Variants in DLG2 observed in about 807,000 individuals in gnomAD.
The protein encoded by DLG2 is discs large MAGUK scaffold protein 2.
In DLG2, 45 loss-of-function variants were observed where a neutral mutation model predicts 132.5. That is an observed-to-expected ratio of 0.34 (90% CI 0.27 to 0.44). The LOEUF (loss-of-function observed/expected upper bound fraction) is 0.44, where lower values mean the gene tolerates loss of function less well. DLG2 is among the 20% of genes least tolerant of loss of function. The probability of loss-of-function intolerance (pLI) is 1.00; values close to 1 mark genes in which losing one functional copy is unlikely to be tolerated. For synonymous variants in DLG2, 424 were observed against 419.6 expected (o/e 1.01, Z -0.13); for missense variants, 1,045 against 1,196.9 (o/e 0.87, Z 1.87).
chr11:84,225,939 T>C (rs2096985795), intron 8 of DLG2, among the ~76,000 whole-genome samples: 1 of 152,122 alleles, frequency 6.6e-6, no homozygotes, highest in Non-Finnish European at 1.5e-5. Flanking sequence ...GCCTAACAAG[T>C]AGCTGGGATT....
At chr11:84,536,299 C>T (rs1264699836) in intron 6 of DLG2, among the ~76,000 whole-genome samples, 1 of 152,036 alleles carries the variant, frequency 6.6e-6, no homozygotes, top group Non-Finnish European at 1.5e-5. Context: ...GCATAAGCGC[C>T]AAGACCCTAT....
chr11:85,085,527 T>A, intron 6 of DLG2, among the ~76,000 whole-genome samples: 1 of 152,166 alleles, frequency 6.6e-6, no homozygotes, highest in South Asian at 2.1e-4. Flanking sequence ...ACATCCATAA[T>A]ATTTATAAAT....
intron 6 of DLG2, among the ~76,000 whole-genome samples, chr11:84,760,761 A>G (rs559081572): frequency 6.6e-6 from 1 of 152,214 alleles, no homozygotes; most frequent in Non-Finnish European, 1.5e-5. Flanking sequence ...ACTGATTAGA[A>G]GAGGGCAGTT....
intron 19 of DLG2, among the ~76,000 whole-genome samples, chr11:83,588,121 T>C (rs559701110): frequency 1.2e-4 from 19 of 152,170 alleles, no homozygotes; most frequent in South Asian, 4.2e-4. Context: ...TCGAACTGGG[T>C]GGAGCCCACC....
intron 16 of DLG2, among the ~76,000 whole-genome samples, chr11:83,870,283 G>A (rs147150768): frequency 5.3e-5 from 8 of 152,236 alleles, no homozygotes; most frequent in African/African-American, 1.7e-4. Context: ...CAACCTCCTC[G>A]AAGTATTTCA....
intron 4 of DLG2, among the ~76,000 whole-genome samples, chr11:85,261,237 T>C (rs1159526250): frequency 5.3e-5 from 8 of 152,138 alleles, no homozygotes; most frequent in African/African-American, 1.9e-4. Context: ...GTTATGCTGC[T>C]GGGGCTACAT....
At chr11:85,078,169 T>C (rs552843061) in intron 6 of DLG2, among the ~76,000 whole-genome samples, 8 of 149,688 alleles carry the variant, frequency 5.3e-5, no homozygotes, top group South Asian at 2.1e-4. Context: ...GCCTACTCTA[T>C]TGGGGGAAAT....
At chr11:84,083,720 G>A in intron 10 of DLG2, among the ~76,000 whole-genome samples, 1 of 152,168 alleles carries the variant, frequency 6.6e-6, no homozygotes, top group Non-Finnish European at 1.5e-5. Context: ...CTGGTACCAT[G>A]CTCTTGGACT....
chr11:85,088,208 C>T (rs950511902), intron 6 of DLG2, among the ~76,000 whole-genome samples: 2 of 152,278 alleles, frequency 1.3e-5, no homozygotes, highest in African/African-American at 2.4e-5. Context: ...AAAAGAAATA[C>T]TCAGGTTCTG....
intron 7 of DLG2, among the ~76,000 whole-genome samples, chr11:84,480,024 A>G (rs753035584): frequency 2.6e-5 from 4 of 152,122 alleles, no homozygotes; most frequent in Non-Finnish European, 5.9e-5. Flanking sequence ...TTAAATATGT[A>G]TATTTCATAA....
At chr11:85,628,009 G>C (rs1465381904), upstream of DLG2, 3 of 152,724 alleles carry the variant, frequency 2.0e-5, no homozygotes, top group African/African-American at 7.2e-5. Context: ...GGGGGTAGTG[G>C]GCAAATTTCT....
At chr11:84,448,742 T>C (rs1028378222) in intron 7 of DLG2, among the ~76,000 whole-genome samples, 4 of 152,100 alleles carry the variant, frequency 2.6e-5, no homozygotes, top group African/African-American at 9.6e-5. Context: ...TATATTTACT[T>C]GTAATTACTT....
intron 9 of DLG2, among the ~76,000 whole-genome samples, chr11:84,118,628 TA>T (rs1735346052): frequency 6.6e-6 from 1 of 152,218 alleles, no homozygotes; most frequent in Non-Finnish European, 1.5e-5. Flanking sequence ...CAGAGGTATA[TA>T]TTTCTTTTAG....
intron 7 of DLG2, among the ~76,000 whole-genome samples, chr11:84,487,169 CT>C (rs1241953794): frequency 1.3e-5 from 2 of 151,954 alleles, no homozygotes; most frequent in African/African-American, 4.8e-5. Flanking sequence ...AATTATTAGT[CT>C]TTTTTTCAGA....
chr11:84,025,506 G>A (rs1434027064), intron 11 of DLG2, among the ~76,000 whole-genome samples: 4 of 152,068 alleles, frequency 2.6e-5, no homozygotes, highest in Non-Finnish European at 5.9e-5. Flanking sequence ...AAGAATACTT[G>A]AATATGGTTC....
intron 7 of DLG2, among the ~76,000 whole-genome samples, chr11:84,453,734 G>A (rs1023887515): frequency 6.6e-6 from 1 of 151,640 alleles, no homozygotes; most frequent in Non-Finnish European, 1.5e-5. Flanking sequence ...GAAGTACCTT[G>A]TTGGGGGTTG....
Position 85,299,353 on chromosome 11 carries a change from T to TTAGA in DLG2, c.41-13992_41-13989dup, listed in dbSNP as rs772047022. 3.3e-5 allele frequency among the ~76,000 whole-genome samples: 5 copies of TTAGA among 152,272 alleles called. No homozygotes were observed. The South Asian group carries it at 6.2e-4, about 19-fold the overall frequency. On this transcript the variant is annotated intron_variant, in intron 3 of 27. Coordinates refer to ENST00000376104, the MANE Select transcript of DLG2 (RefSeq NM_001142699.3). Reference sequence around the variant, plus strand: ...TGACTCTTTATGTCTGGAGTAATTGTTAGATTTTCTTTGTTTTGCTCTGGG... The same window carrying TTAGA: ...TGACTCTTTATGTCTGGAGTAATTGTTAGATAGATTTTCTTTGTTTTGCTCTGGG...
At chr11:83,679,145 T>C (rs1214294822) in intron 18 of DLG2, among the ~76,000 whole-genome samples, 1 of 152,218 alleles carries the variant, frequency 6.6e-6, no homozygotes, top group Non-Finnish European at 1.5e-5. Context: ...CACTGCTATA[T>C]GCCAATTTAC....
intron 14 of DLG2, among the ~76,000 whole-genome samples, chr11:83,936,291 T>C (rs867364375): frequency 6.6e-6 from 1 of 152,232 alleles, no homozygotes; most frequent in Non-Finnish European, 1.5e-5. Flanking sequence ...ATTTAAAAGG[T>C]AATTGATCCT....
Sources: allele counts gnomAD v4.1 joint callset (sites outside exome capture counted in the v4.1 genomes callset), GRCh38; gene constraint gnomAD v4.1.1; transcripts MANE v1.5; gene names NCBI Gene and HGNC (gene_info 2026-07-23, HGNC 2026-07-21).